Variants in TRPC5 observed in about 807,000 individuals in gnomAD.
TRPC5 encodes short transient receptor potential channel 5.
TRPC5 carries 9 observed loss-of-function variants against 56.5 expected under a neutral mutation model. The observed-to-expected ratio is 0.16, with a 90% confidence interval of 0.10 to 0.28. The LOEUF (loss-of-function observed/expected upper bound fraction) is 0.28. Ranked by LOEUF, TRPC5 falls within the 10% of genes least tolerant of loss-of-function variation. TRPC5 has a pLI of 1.00. For missense variants in TRPC5, 469 were observed against 748.9 expected (o/e 0.63, Z 4.36); for synonymous variants, 282 against 278.5 (o/e 1.01, Z -0.13).
At chrX:111,945,482 CAT>C (rs948483256) in intron 2 of TRPC5, among the ~76,000 whole-genome samples, 2 of 110,228 alleles carry the variant, frequency 1.8e-5, no homozygotes, top group Non-Finnish European at 3.8e-5. Flanking sequence ...TACACACACA[CAT>C]GTGTGCGCAC....
At chrX:111,805,730 G>A (rs1165760787) in intron 7 of TRPC5, among the ~76,000 whole-genome samples, 1 of 111,262 alleles carries the variant, frequency 9.0e-6, no homozygotes, top group Non-Finnish European at 1.9e-5. Flanking sequence ...CTGGAGTGCA[G>A]TGGTGCTATC....
intron 1 of TRPC5, among the ~76,000 whole-genome samples, chrX:112,000,013 T>A (rs1928656235): frequency 8.9e-6 from 1 of 112,124 alleles, no homozygotes; most frequent in African/African-American, 3.2e-5. Flanking sequence ...TTAGAGTATC[T>A]GACTCATATT....
chrX:111,946,565 C>T (rs1276687790), intron 2 of TRPC5, among the ~76,000 whole-genome samples: 3 of 112,179 alleles, frequency 2.7e-5, no homozygotes, highest in African/African-American at 6.5e-5. Context: ...TCTCTGTGAT[C>T]TCCTCATTCC....
At chrX:111,847,523 A>T in intron 5 of TRPC5, 87 bp from the exon 6 acceptor site, 1 of 838,190 alleles carries the variant, frequency 1.2e-6, no homozygotes, top group Non-Finnish European at 1.7e-6. Flanking sequence ...ATACCCAAAC[A>T]AAGCCACCAA....
intron 1 of TRPC5, among the ~76,000 whole-genome samples, chrX:112,034,735 G>C (rs1431256773): frequency 1.8e-5 from 2 of 109,654 alleles, no homozygotes; most frequent in Non-Finnish European, 3.8e-5. Context: ...ATTTTATCTA[G>C]GTCATCTAAT....
intron 1 of TRPC5, among the ~76,000 whole-genome samples, chrX:112,031,808 A>G (rs73266336): frequency 0.038 from 4,103 of 109,009 alleles, 77 homozygotes; most frequent in Middle Eastern, 0.06. Flanking sequence ...AATGTTTTCA[A>G]TGTTCATCCA....
intron 1 of TRPC5, among the ~76,000 whole-genome samples, chrX:111,985,271 G>A (rs1928183841): frequency 9.0e-6 from 1 of 111,713 alleles, no homozygotes; most frequent in African/African-American, 3.3e-5. Context: ...TTCTGGAGCT[G>A]GAAAAATAAA....
chrX:112,075,723 T>C (rs1930819590), intron 1 of TRPC5, among the ~76,000 whole-genome samples: 1 of 111,288 alleles, frequency 9.0e-6, no homozygotes, highest in Non-Finnish European at 1.9e-5. Context: ...CCAGCTGAGT[T>C]CCCCCTCATC....
At chrX:111,884,221 T>C (rs765063454) in intron 3 of TRPC5, among the ~76,000 whole-genome samples, 51 of 112,604 alleles carry the variant, frequency 4.5e-4, no homozygotes, top group Non-Finnish European at 9.2e-4. Context: ...TAAGGTATTA[T>C]CAGAGTATTT....
intron 2 of TRPC5, among the ~76,000 whole-genome samples, chrX:111,914,365 T>C (rs1398127106): frequency 3.6e-5 from 4 of 111,655 alleles, no homozygotes; most frequent in Non-Finnish European, 7.5e-5. Context: ...TAGGTTCTTT[T>C]TACTCTCAAA....
intron 3 of TRPC5, among the ~76,000 whole-genome samples, chrX:111,890,539 T>G: frequency 9.0e-6 from 1 of 110,799 alleles, no homozygotes; most frequent in East Asian, 2.9e-4. Context: ...CTGTGGAAGG[T>G]CCTGGAACCA....
rs1945923103 is a variant in TRPC5, at chrX:111,781,953, G to A, written c.2082C>T (p.Arg694=). 1 of 1,189,796 alleles carries A rather than the reference G, an allele frequency of 8.4e-7. No homozygotes were observed. Among genetic ancestry groups the A allele is most frequent in the Non-Finnish European group, 1.1e-6 (1 of 886,561 alleles). Residue 694 remains arginine (R), a synonymous_variant, in exon 8 of 11, where the codon CGC becomes CGT. Transcript: ENST00000262839. The part of the protein sequence containing the change: ...KRDPDGRRRR[R]NLRSFTERNA... ...GTCTTACTGTGAAACTTCTCAAGTTGCGCCTTCTCCGTCTACCGTCAGGGT... is the reference window on the plus strand; with the variant it reads ...GTCTTACTGTGAAACTTCTCAAGTTACGCCTTCTCCGTCTACCGTCAGGGT...
chrX:111,961,057 G>A (rs1927367818), intron 1 of TRPC5, among the ~76,000 whole-genome samples: 1 of 111,498 alleles, frequency 9.0e-6, no homozygotes, highest in Admixed American at 9.6e-5. Context: ...TGATCTGTCT[G>A]CCTTGGCCTC....
chrX:112,032,043 A>C (rs1929601521), intron 1 of TRPC5, among the ~76,000 whole-genome samples: 1 of 111,074 alleles, frequency 9.0e-6, no homozygotes, highest in African/African-American at 3.3e-5. Context: ...CAAGCAACTC[A>C]CCAACAAATA....
chrX:111,936,497 C>G (rs1955752462), intron 2 of TRPC5, among the ~76,000 whole-genome samples: 1 of 109,958 alleles, frequency 9.1e-6, no homozygotes, highest in African/African-American at 3.3e-5. Context: ...CTCCCCTCTC[C>G]CCACACCCCA....
chrX:112,003,333 A>G (rs1442497196), intron 1 of TRPC5, among the ~76,000 whole-genome samples: 2 of 111,486 alleles, frequency 1.8e-5, no homozygotes, highest in Non-Finnish European at 3.8e-5. Context: ...ATGAAGCAAT[A>G]TCACTTAAGC....
At chrX:111,790,075 T>G (rs1261160906) in intron 7 of TRPC5, among the ~76,000 whole-genome samples, 1 of 111,906 alleles carries the variant, frequency 8.9e-6, no homozygotes, top group African/African-American at 3.3e-5. Context: ...ACCCAAAGGA[T>G]TATAAATCAT....
At chrX:111,973,428 G>C (rs1008078043) in intron 1 of TRPC5, among the ~76,000 whole-genome samples, 1 of 112,085 alleles carries the variant, frequency 8.9e-6, no homozygotes, top group Non-Finnish European at 1.9e-5. Context: ...TTTTAATGGT[G>C]GAATTCTGAG....
At position 112,082,775 on chromosome X, in the gene TRPC5, GT is replaced by G. The variant is rs1157339402; in HGVS notation, c.-919del. On this transcript the variant is annotated 5_prime_UTR_variant, in exon 1 of 11. Coordinates refer to ENST00000262839, the MANE Select transcript of TRPC5 (RefSeq NM_012471.3). ...CAACCCGTCGTGGTTGTGATGTGGG[GT>G]GTGTGTGTGTGTGTGTGTGTGTGAG... 1.5e-4 allele frequency: 10 copies of G among 64,535 alleles called. No homozygotes were observed. Among genetic ancestry groups the G allele is most frequent in the African/African-American group, 9.8e-4 (10 of 10,161 alleles). 5.3% of individuals were successfully genotyped at this position (64,535 alleles called of 1,213,427 possible). A position where few individuals can be genotyped will look rare whatever the true frequency, so the allele number is the denominator to read the frequency against.
Sources: allele counts gnomAD v4.1 joint callset (sites outside exome capture counted in the v4.1 genomes callset), GRCh38; gene constraint gnomAD v4.1.1; transcripts MANE v1.5; gene names NCBI Gene and HGNC (gene_info 2026-07-23, HGNC 2026-07-21).